CHCHD6: variants seen among roughly 807,000 people sequenced by gnomAD.
The protein encoded by CHCHD6 is coiled-coil-helix-coiled-coil-helix domain containing 6.
A neutral mutation model predicts 32.3 loss-of-function variants in CHCHD6; 28 were observed. That is an observed-to-expected ratio of 0.87 (90% CI 0.64 to 1.19). The LOEUF is 1.19. Among genes scored for constraint, CHCHD6 ranks in the 50% most tolerant of loss-of-function variants. The pLI is 0.00. For synonymous variants in CHCHD6, 122 were observed against 117.5 expected, an observed-to-expected ratio of 1.04 and a Z score of -0.25; for missense variants, 333 against 307.0, an observed-to-expected ratio of 1.08 and a Z score of -0.63.
intron 4 of CHCHD6, among the ~76,000 whole-genome samples, chr3:126,773,636 C>T (rs182783004): frequency 9.3e-5 from 12 of 129,606 alleles, no homozygotes; most frequent in Admixed American, 3.7e-4. Flanking sequence ...TGAGACAGAG[C>T]GTCAGAGTCG....
At chr3:126,832,015 A>G (rs1185439443) in intron 4 of CHCHD6, among the ~76,000 whole-genome samples, 1 of 152,204 alleles carries the variant, frequency 6.6e-6, no homozygotes, top group African/African-American at 2.4e-5. Flanking sequence ...TTTGGCCAAC[A>G]GGTGTTGATT....
At chr3:126,753,008 A>G (rs1045628641) in intron 4 of CHCHD6, among the ~76,000 whole-genome samples, 3 of 152,066 alleles carry the variant, frequency 2.0e-5, no homozygotes, top group Non-Finnish European at 4.4e-5. Flanking sequence ...GTGTCTGTGG[A>G]CTGCTTCCCC....
intron 5 of CHCHD6, among the ~76,000 whole-genome samples, chr3:126,873,262 A>C (rs945814467): frequency 7.9e-5 from 12 of 152,210 alleles, no homozygotes; most frequent in African/African-American, 2.9e-4. Context: ...CGTTGCCTGA[A>C]TGAGACCTGG....
At chr3:126,913,112 G>A (rs543891112) in intron 5 of CHCHD6, among the ~76,000 whole-genome samples, 68 of 150,432 alleles carry the variant, frequency 4.5e-4, no homozygotes, top group African/African-American at 1.6e-3. Context: ...CGTGTTTCAG[G>A]GACTGACTGA....
chr3:126,788,345 G>A (rs1938335717), intron 4 of CHCHD6, among the ~76,000 whole-genome samples: 1 of 152,230 alleles, frequency 6.6e-6, no homozygotes, highest in African/African-American at 2.4e-5. Context: ...CTCATAAAAT[G>A]AATTAGGGAT....
chr3:126,862,426 A>ACCT (rs1427592546), intron 5 of CHCHD6, among the ~76,000 whole-genome samples: 2 of 86,058 alleles, frequency 2.3e-5, no homozygotes, highest in African/African-American at 4.7e-5. Flanking sequence ...CACCATCACC[A>ACCT]CCTCCTCCTC....
At chr3:126,934,841 G>C (rs553659335) in intron 6 of CHCHD6, among the ~76,000 whole-genome samples, 3 of 152,058 alleles carry the variant, frequency 2.0e-5, no homozygotes, top group Non-Finnish European at 4.4e-5. Context: ...GAGCCACCAC[G>C]CCCGGCCTTC....
intron 4 of CHCHD6, among the ~76,000 whole-genome samples, chr3:126,798,161 A>C (rs1401473092): frequency 6.6e-6 from 1 of 152,208 alleles, no homozygotes; most frequent in East Asian, 1.9e-4. Flanking sequence ...TGAGCGCAGC[A>C]GGGTGACAAG....
intron 5 of CHCHD6, among the ~76,000 whole-genome samples, chr3:126,874,651 G>T (rs1007184579): frequency 2.6e-5 from 4 of 152,194 alleles, no homozygotes; most frequent in African/African-American, 7.2e-5. Context: ...ATCAATTCCC[G>T]TACTTCCTAA....
At chr3:126,726,290 G>C (rs1236465651) in intron 1 of CHCHD6, among the ~76,000 whole-genome samples, 1 of 152,192 alleles carries the variant, frequency 6.6e-6, no homozygotes, top group African/African-American at 2.4e-5. Context: ...ATGGCTCATT[G>C]CTGGAGCCAT....
intron 5 of CHCHD6, among the ~76,000 whole-genome samples, chr3:126,899,167 G>T (rs140532267): frequency 1.3e-5 from 2 of 152,302 alleles, no homozygotes; most frequent in Non-Finnish European, 2.9e-5. Context: ...CACTGTTCTG[G>T]GTCAGGTGGC....
chr3:126,796,804 C>T (rs2107688629), intron 4 of CHCHD6, among the ~76,000 whole-genome samples: 1 of 152,192 alleles, frequency 6.6e-6, no homozygotes, highest in Non-Finnish European at 1.5e-5. Flanking sequence ...TATTTAGGCC[C>T]ACTCGAAGCC....
At chr3:126,747,770 C>G (rs1428672509) in intron 4 of CHCHD6, among the ~76,000 whole-genome samples, 1 of 152,186 alleles carries the variant, frequency 6.6e-6, no homozygotes, top group Non-Finnish European at 1.5e-5. Flanking sequence ...CCTTCATTTC[C>G]AGAGACTTCC....
intron 4 of CHCHD6, among the ~76,000 whole-genome samples, chr3:126,768,066 T>C (rs888777120): frequency 6.6e-6 from 1 of 152,198 alleles, no homozygotes; most frequent in Non-Finnish European, 1.5e-5. Context: ...ATATGTGATA[T>C]GGTTTGGGTC....
chr3:126,802,508 T>C (rs1208616560), intron 4 of CHCHD6, among the ~76,000 whole-genome samples: 1 of 151,974 alleles, frequency 6.6e-6, no homozygotes, highest in Non-Finnish European at 1.5e-5. Context: ...AAGGGAAGTT[T>C]AGAGAGAAAA....
chr3:126,910,567 T>C (rs574508585), intron 5 of CHCHD6, among the ~76,000 whole-genome samples: 1 of 152,352 alleles, frequency 6.6e-6, no homozygotes, highest in Admixed American at 6.5e-5. Context: ...TTAAAATGGA[T>C]ACACCCTTTG....
intron 4 of CHCHD6, among the ~76,000 whole-genome samples, chr3:126,817,959 C>A (rs1486579700): frequency 6.6e-6 from 1 of 152,174 alleles, no homozygotes; most frequent in Non-Finnish European, 1.5e-5. Flanking sequence ...AGGTTCAAAT[C>A]CTGATTTGGC....
At chr3:126,729,756 C>A (rs377159959) in intron 2 of CHCHD6, among the ~76,000 whole-genome samples, 1 of 152,134 alleles carries the variant, frequency 6.6e-6, no homozygotes, top group Non-Finnish European at 1.5e-5. Context: ...CCTCATTGAG[C>A]GCCTCACACA....
At chr3:126,863,914 TCCA>T (rs1942105271) in intron 5 of CHCHD6, among the ~76,000 whole-genome samples, 1 of 121,792 alleles carries the variant, frequency 8.2e-6, no homozygotes, top group African/African-American at 3.2e-5. Context: ...CTCCTCCTCC[TCCA>T]CCATCGACAC....
Sources: gnomAD v4.1 joint callset for allele counts (sites outside exome capture counted in the v4.1 genomes callset) on GRCh38, gnomAD v4.1.1 for gene constraint, MANE v1.5 for transcripts, NCBI Gene and HGNC (gene_info 2026-07-23, HGNC 2026-07-21) for gene names.